Variants in PDE1A observed in about 807,000 individuals in gnomAD.
PDE1A encodes the protein phosphodiesterase 1A, also known as dual specificity calcium/calmodulin-dependent 3',5'-cyclic nucleotide phosphodiesterase 1A.
PDE1A carries 35 observed loss-of-function variants against 61.7 expected under a neutral mutation model. That is an observed-to-expected ratio of 0.57 (90% confidence interval 0.43 to 0.75). The LOEUF (loss-of-function observed/expected upper bound fraction) is 0.75. PDE1A is among the 30% of genes least tolerant of loss of function. The pLI is 0.00. For missense variants in PDE1A, 597 were observed against 630.6 expected (o/e 0.95, Z 0.57); for synonymous variants, 232 against 213.2 (o/e 1.09, Z -0.77).
chr2:182,542,689 T>G, the PDE1A span, among the ~76,000 whole-genome samples: 1 of 152,172 alleles, frequency 6.6e-6, no homozygotes, highest in Non-Finnish European at 1.5e-5. Flanking sequence ...GGCATATCAT[T>G]AGAATTTCTA....
chr2:182,290,968 G>A (rs968308362), intron 1 of PDE1A, among the ~76,000 whole-genome samples: 1 of 152,014 alleles, frequency 6.6e-6, no homozygotes, highest in Non-Finnish European at 1.5e-5. Context: ...TAGAAATGTG[G>A]TTTTCATGTG....
At chr2:182,502,356 GTGTATC>G (rs1273523779) in intron 2 of PDE1A, among the ~76,000 whole-genome samples, 1 of 152,022 alleles carries the variant, frequency 6.6e-6, no homozygotes, top group African/African-American at 2.4e-5. Flanking sequence ...CTGTGTGTCT[GTGTATC>G]TGTATCTGTG....
Position 182,346,882 on chromosome 2 carries a change from G to A in PDE1A, c.53+79696C>T, listed in dbSNP as rs1356819936. ...CTCATACCTGTCTACATCTAAGCCCGTACCAAAGAAAAAAATCTCAAGTAT... is the reference window on the plus strand; with the variant it reads ...CTCATACCTGTCTACATCTAAGCCCATACCAAAGAAAAAAATCTCAAGTAT... On this transcript the variant is annotated intron_variant, in intron 1 of 13. Transcript: ENST00000351439. Among the ~76,000 whole-genome samples, 8 of 152,052 alleles carry A rather than the reference G, an allele frequency of 5.3e-5. No individual in the cohort carries two copies. The East Asian group carries it at 5.8e-4, about 11-fold the overall frequency.
chr2:182,250,631 A>G (rs1247054006), intron 2 of PDE1A, among the ~76,000 whole-genome samples: 3 of 151,756 alleles, frequency 2.0e-5, no homozygotes, highest in Non-Finnish European at 4.4e-5. Context: ...CCTCGACCCA[A>G]CTTTTTTTTT....
the PDE1A span, among the ~76,000 whole-genome samples, chr2:182,676,468 C>T: frequency 6.6e-6 from 1 of 151,362 alleles, no homozygotes; most frequent in East Asian, 1.9e-4. Flanking sequence ...GATGGATTCA[C>T]AGCCGAATTC....
chr2:182,273,939 A>C (rs181965169), intron 1 of PDE1A, among the ~76,000 whole-genome samples: 115 of 152,256 alleles, frequency 7.6e-4, no homozygotes, highest in Non-Finnish European at 1.4e-3. Flanking sequence ...GCTTATAAAC[A>C]AGAGAAATTT....
intron 2 of PDE1A, among the ~76,000 whole-genome samples, chr2:182,508,904 C>A (rs1357343892): frequency 6.6e-6 from 1 of 150,548 alleles, no homozygotes; most frequent in South Asian, 2.1e-4. Context: ...TGGTGCACTG[C>A]ACCCACTAAC....
intron 2 of PDE1A, among the ~76,000 whole-genome samples, chr2:182,446,267 T>C (rs1685125655): frequency 6.6e-6 from 1 of 152,110 alleles, no homozygotes; most frequent in African/African-American, 2.4e-5. Context: ...GAAGAGATTG[T>C]GGACCACTCA....
the PDE1A span, among the ~76,000 whole-genome samples, chr2:182,549,605 T>G: frequency 1.3e-5 from 2 of 152,118 alleles, no homozygotes; most frequent in Non-Finnish European, 2.9e-5. Context: ...TTATATTTTG[T>G]TACAAATCAT....
chr2:182,344,261 G>T (rs1698378334), intron 1 of PDE1A, among the ~76,000 whole-genome samples: 1 of 151,922 alleles, frequency 6.6e-6, no homozygotes, highest in African/African-American at 2.4e-5. Flanking sequence ...TATGAATATA[G>T]GGAATCTTAT....
chr2:182,653,439 C>T, the PDE1A span, among the ~76,000 whole-genome samples: 1 of 152,070 alleles, frequency 6.6e-6, no homozygotes. Flanking sequence ...GTGGCAGGAC[C>T]AGAAAACTAT....
At chr2:182,346,264 T>A (rs833168) in intron 1 of PDE1A, among the ~76,000 whole-genome samples, 49,260 of 152,008 alleles carry the variant, frequency 0.32, 8,086 homozygotes, top group East Asian at 0.5. Flanking sequence ...TGGAAATTAA[T>A]CTTAAATTTT....
chr2:182,260,477 T>C (rs918821153), intron 2 of PDE1A, among the ~76,000 whole-genome samples: 2 of 152,186 alleles, frequency 1.3e-5, no homozygotes, highest in African/African-American at 4.8e-5. Context: ...ACTAAGTATA[T>C]AGAAAATCAA....
At chr2:182,688,210 C>A in the PDE1A span, among the ~76,000 whole-genome samples, 1 of 152,072 alleles carries the variant, frequency 6.6e-6, no homozygotes. Flanking sequence ...AAGAGCAACT[C>A]CAAGACACAA....
At chr2:182,180,309 C>T (rs1032057130) in intron 13 of PDE1A, among the ~76,000 whole-genome samples, 1 of 151,728 alleles carries the variant, frequency 6.6e-6, no homozygotes, top group Non-Finnish European at 1.5e-5. Flanking sequence ...TGTCTAGTGC[C>T]CAATCTAGGA....
At chr2:182,406,829 AATTAT>A (rs2125490648) in intron 1 of PDE1A, among the ~76,000 whole-genome samples, 2 of 152,172 alleles carry the variant, frequency 1.3e-5, no homozygotes, top group South Asian at 2.1e-4. Flanking sequence ...TGATTTTTAA[AATTAT>A]ATTAATAAAT....
At chr2:182,462,528 G>C (rs1174445581) in intron 2 of PDE1A, among the ~76,000 whole-genome samples, 1 of 151,988 alleles carries the variant, frequency 6.6e-6, no homozygotes, top group East Asian at 1.9e-4. Flanking sequence ...TACTCATTCT[G>C]TGCATGAAGA....
At chr2:182,619,762 A>C in the PDE1A span, among the ~76,000 whole-genome samples, 1 of 152,130 alleles carries the variant, frequency 6.6e-6, no homozygotes, top group Non-Finnish European at 1.5e-5. Context: ...TTGTGTTGCT[A>C]TAACAGACCA....
At chr2:182,147,136 A>G (rs1358509792) in exon 14 of PDE1A, 3 of 1,599,154 alleles carry the variant, frequency 1.9e-6, no homozygotes, top group East Asian at 2.2e-5. Flanking sequence ...CTGAGTTCTT[A>G]TGAAGATCAG....
Sources: allele counts gnomAD v4.1 joint callset (sites outside exome capture counted in the v4.1 genomes callset), GRCh38; gene constraint gnomAD v4.1.1; transcripts MANE v1.5; gene names NCBI Gene and HGNC (gene_info 2026-07-23, HGNC 2026-07-21).